Variants in TMEM117 observed in about 807,000 individuals in gnomAD.
The protein encoded by TMEM117 is transmembrane protein 117.
In TMEM117, 27 loss-of-function variants were observed where a neutral mutation model predicts 52.4. The observed-to-expected ratio is 0.51, with a 90% confidence interval of 0.38 to 0.71. The LOEUF is 0.71. Among genes scored for constraint, TMEM117 ranks in the 30% least tolerant of loss-of-function variants. The pLI is 0.00. For missense variants in TMEM117, 556 were observed against 630.5 expected (o/e 0.88, Z 1.26); for synonymous variants, 215 against 206.3 (o/e 1.04, Z -0.36).
chr12:43,954,122 A>G (rs1397327544), intron 3 of TMEM117, among the ~76,000 whole-genome samples: 1 of 152,226 alleles, frequency 6.6e-6, no homozygotes, highest in Non-Finnish European at 1.5e-5. Context: ...CAAAGAAACA[A>G]TGTATCAGAA....
chr12:43,917,204 G>A (rs1944618818), intron 2 of TMEM117, among the ~76,000 whole-genome samples: 1 of 140,468 alleles, frequency 7.1e-6, no homozygotes, highest in African/African-American at 2.6e-5. Flanking sequence ...ACCAGCCTGG[G>A]CAAGATAGTG....
chr12:44,290,836 T>G (rs1592669763), intron 5 of TMEM117, among the ~76,000 whole-genome samples: 1 of 152,110 alleles, frequency 6.6e-6, no homozygotes, highest in East Asian at 1.9e-4. Context: ...AAGCGAGGTC[T>G]CACTATGTTA....
At chr12:43,833,174 G>A (rs1034920650), upstream of TMEM117, among the ~76,000 whole-genome samples, 1 of 152,208 alleles carries the variant, frequency 6.6e-6, no homozygotes, top group Non-Finnish European at 1.5e-5. Flanking sequence ...CATTGGTAGA[G>A]CTTATTCTTA....
intron 5 of TMEM117, among the ~76,000 whole-genome samples, chr12:44,222,730 C>T (rs1462940633): frequency 6.6e-6 from 1 of 152,126 alleles, no homozygotes; most frequent in Admixed American, 6.6e-5. Context: ...GTGGTCAGGT[C>T]AGTCAGGCCT....
intron 6 of TMEM117, among the ~76,000 whole-genome samples, chr12:44,313,053 A>G (rs1407119332): frequency 1.3e-5 from 2 of 152,192 alleles, no homozygotes; most frequent in Non-Finnish European, 2.9e-5. Flanking sequence ...TTTCTCCAAT[A>G]CTGTGAGCTG....
chr12:44,032,082 G>A (rs908367780), intron 3 of TMEM117, among the ~76,000 whole-genome samples: 1 of 152,142 alleles, frequency 6.6e-6, no homozygotes, highest in African/African-American at 2.4e-5. Context: ...TCAACTCATA[G>A]GTATTTGATG....
At chr12:44,358,644 G>A (rs1254574424) in intron 6 of TMEM117, among the ~76,000 whole-genome samples, 2 of 152,186 alleles carry the variant, frequency 1.3e-5, no homozygotes, top group East Asian at 3.9e-4. Flanking sequence ...AGCCAGGGAA[G>A]GGGGAGAGAA....
chr12:44,123,244 G>GTTT (rs146192762), intron 3 of TMEM117, among the ~76,000 whole-genome samples: 8 of 147,362 alleles, frequency 5.4e-5, no homozygotes, highest in Admixed American at 1.4e-4. Flanking sequence ...TTTTAATGGG[G>GTTT]TTTTTTTTTT....
At chr12:43,949,367 T>C (rs955760266) in intron 3 of TMEM117, among the ~76,000 whole-genome samples, 1 of 152,192 alleles carries the variant, frequency 6.6e-6, no homozygotes, top group Non-Finnish European at 1.5e-5. Flanking sequence ...ATTCTTCCCT[T>C]GGAGTGGACT....
intron 5 of TMEM117, among the ~76,000 whole-genome samples, chr12:44,233,713 G>A (rs902449275): frequency 4.6e-5 from 7 of 150,998 alleles, no homozygotes; most frequent in Non-Finnish European, 1.0e-4. Flanking sequence ...CATCATAGTG[G>A]CATTTTCTTT....
intron 5 of TMEM117, among the ~76,000 whole-genome samples, chr12:44,247,704 T>G (rs539275774): frequency 2.6e-5 from 4 of 152,354 alleles, no homozygotes; most frequent in African/African-American, 9.6e-5. Flanking sequence ...GACCTCTTAA[T>G]CGGCCCTTTA....
rs1949421008 is a variant in TMEM117 at position 44,196,375 on chromosome 12, TAA to T, written c.511-14912_511-14911del. On this transcript the variant is annotated intron_variant, in intron 4 of 7. Coordinates refer to ENST00000266534, the MANE Select transcript of TMEM117 (RefSeq NM_032256.3). ...TAACAAATATAAGATTAATCCAGAT[TAA>T]AAGAGTACAAATAAACCATGTGAAA... is the stretch of plus-strand genomic sequence containing the variant. Among the ~76,000 whole-genome samples the T allele has an allele frequency of 5.3e-5, 8 of 152,096 alleles. No homozygotes were observed. The South Asian group carries it at 1.5e-3, about 28-fold the overall frequency.
the TMEM117 span, among the ~76,000 whole-genome samples, chr12:43,803,525 C>T: frequency 6.6e-6 from 1 of 151,996 alleles, no homozygotes; most frequent in Non-Finnish European, 1.5e-5. Context: ...TTTCACAAAA[C>T]AAAAAAGTAA....
intron 3 of TMEM117, among the ~76,000 whole-genome samples, chr12:43,995,926 TTCACAATTACTGTAGAAG>T (rs963481671): frequency 3.3e-5 from 5 of 152,230 alleles, no homozygotes; most frequent in Non-Finnish European, 5.9e-5. Context: ...CTGGACAACT[TTCACAATTACTGTAGAAG>T]TCACAAGAAA....
At chr12:44,069,239 T>C (rs1184308510) in intron 3 of TMEM117, among the ~76,000 whole-genome samples, 1 of 152,212 alleles carries the variant, frequency 6.6e-6, no homozygotes, top group African/African-American at 2.4e-5. Context: ...AATCAACTTT[T>C]TATGTAAAAC....
At position 43,842,826 on chromosome 12, in the gene TMEM117, G is replaced by A. The variant is rs185778186; in HGVS notation, c.-28-1798G>A. Reference sequence around the variant, plus strand: ...TATAATTGTGTCTGGAGAAGAACATGTCTCCAGAAGACATTTAAGGGATGG... The same window carrying A: ...TATAATTGTGTCTGGAGAAGAACATATCTCCAGAAGACATTTAAGGGATGG... On this transcript the variant is annotated intron_variant, in intron 1 of 7. Coordinates refer to ENST00000266534, the MANE Select transcript of TMEM117 (RefSeq NM_032256.3). Among the ~76,000 whole-genome samples, 6 of 152,204 alleles carry A rather than the reference G, an allele frequency of 3.9e-5. No individual in the cohort carries two copies. The East Asian group carries it at 1.2e-3, about 29-fold the overall frequency.
In TMEM117 at chr12:44,001,489, G is replaced by A. The variant is rs889052640; in HGVS notation, c.410+57147G>A. 2.0e-5 allele frequency among the ~76,000 whole-genome samples: 3 copies of A among 152,288 alleles called. No individual in the cohort carries two copies. In the East Asian group the frequency reaches 5.8e-4, roughly 29 times the overall value. ...GTGGTATAGGGACCCACTGATAGGTGTTTAATCAAATTCTGGATTCCAGAA... is the reference window on the plus strand; with the variant it reads ...GTGGTATAGGGACCCACTGATAGGTATTTAATCAAATTCTGGATTCCAGAA... On this transcript the variant is annotated intron_variant, in intron 3 of 7. Coordinates refer to ENST00000266534, the MANE Select transcript of TMEM117 (RefSeq NM_032256.3).
intron 3 of TMEM117, among the ~76,000 whole-genome samples, chr12:44,038,651 C>T (rs1033870617): frequency 1.4e-4 from 22 of 152,188 alleles, no homozygotes; most frequent in Admixed American, 4.6e-4. Context: ...GTGCCCCTGG[C>T]CACAGAGGTT....
At chr12:43,797,332 A>C in the TMEM117 span, 1 of 1,597,708 alleles carries the variant, frequency 6.3e-7, no homozygotes, top group Non-Finnish European at 8.5e-7. Context: ...CCTTCATGGG[A>C]ATGTTTATAC....
Sources: gnomAD v4.1 joint callset for allele counts (sites outside exome capture counted in the v4.1 genomes callset) on GRCh38, gnomAD v4.1.1 for gene constraint, MANE v1.5 for transcripts, NCBI Gene and HGNC (gene_info 2026-07-23, HGNC 2026-07-21) for gene names.